Variants in AFG3L2 observed in about 807,000 individuals in gnomAD.
AFG3L2 encodes the protein AFG3 like matrix AAA peptidase subunit 2.
AFG3L2 carries 54 observed loss-of-function variants against 94.5 expected under a neutral mutation model. The ratio of observed to expected loss-of-function variants is 0.57; its 90% confidence interval spans 0.46 to 0.72. AFG3L2 has a LOEUF of 0.72. AFG3L2 is among the 30% of genes least tolerant of loss of function. The probability of loss-of-function intolerance (pLI) is 0.00; values close to 1 mark genes in which losing one functional copy is unlikely to be tolerated. For missense variants in AFG3L2, 754 were observed against 994.9 expected (o/e 0.76, Z 3.26); for synonymous variants, 377 against 365.5 (o/e 1.03, Z -0.36).
intron 9 of AFG3L2, among the ~76,000 whole-genome samples, chr18:12,353,734 C>T (rs1908397128): frequency 1.3e-5 from 2 of 152,156 alleles, no homozygotes; most frequent in South Asian, 4.1e-4. Flanking sequence ...CTGATAATAT[C>T]TGCTATTTTT....
chr18:12,358,480 C>T (rs542900160), intron 8 of AFG3L2, among the ~76,000 whole-genome samples, 190 bp downstream of exon 8: 1 of 152,272 alleles, frequency 6.6e-6, no homozygotes, highest in East Asian at 1.9e-4. Flanking sequence ...GGAATACATA[C>T]ACTATACAAG....
intron 12 of AFG3L2, 25 bp downstream of exon 12, chr18:12,351,060 A>C (rs754078029): frequency 6.2e-7 from 1 of 1,612,104 alleles, no homozygotes; most frequent in Admixed American, 1.7e-5. Flanking sequence ...GCTTCTAAAT[A>C]GGGTCCTCGT....
chr18:12,364,417 T>C (rs1598836513), intron 5 of AFG3L2, among the ~76,000 whole-genome samples: 1 of 152,192 alleles, frequency 6.6e-6, no homozygotes, highest in African/African-American at 2.4e-5. Flanking sequence ...AACACACCTG[T>C]AGATAGACAC....
intron 7 of AFG3L2, among the ~76,000 whole-genome samples, 172 bp from the exon 8 acceptor site, chr18:12,359,115 T>C (rs1431785816): frequency 6.6e-6 from 1 of 152,196 alleles, no homozygotes; most frequent in Non-Finnish European, 1.5e-5. Context: ...AATTCCCAAA[T>C]AAGCTCCATG....
chr18:12,332,995 A>ATAT (rs1241387843), intron 16 of AFG3L2, among the ~76,000 whole-genome samples: 2 of 48,906 alleles, frequency 4.1e-5, no homozygotes, highest in Admixed American at 2.7e-4. Context: ...ATATTATATA[A>ATAT]ATTATATATA....
Position 12,329,121 on chromosome 18 carries a change from T to C in AFG3L2, c.*444A>G, listed in dbSNP as rs773307826. The stretch of plus-strand genomic sequence containing the variant: ...ATTAAGTCAAATTAAAATGTTCTTA[T>C]CAAGACTCCAATTTAATTTCACAGC... On this transcript the variant is annotated 3_prime_UTR_variant, in exon 17 of 17. Transcript: ENST00000269143. 3.8e-5 allele frequency: 27 copies of C among 702,844 alleles called. No individual in the cohort carries two copies. The East Asian group carries it at 6.7e-4, about 17-fold the overall frequency. The allele number at this position is 702,844 out of a possible 1,614,324, so 43.5% of individuals were successfully genotyped here.
chr18:12,348,415 C>A (rs374648223), intron 12 of AFG3L2, 32 bp from the exon 13 acceptor site: 1 of 1,550,246 alleles, frequency 6.5e-7, no homozygotes, highest in East Asian at 2.2e-5. Context: ...GCTTACCCAC[C>A]GAAATACGCC....
intron 6 of AFG3L2, among the ~76,000 whole-genome samples, chr18:12,362,068 G>A (rs918400751): frequency 6.6e-6 from 1 of 152,178 alleles, no homozygotes; most frequent in African/African-American, 2.4e-5. Context: ...GTGGGGATGG[G>A]GTCCCAGGAC....
At position 12,329,501 on chromosome 18, in the gene AFG3L2, C is replaced by T. The variant is rs1907444881; in HGVS notation, c.*64G>A. The T allele has an allele frequency of 1.3e-6, 2 of 1,518,882 alleles. No homozygotes were observed. The highest frequency in any genetic ancestry group is 1.7e-5 in the Admixed American group (1 of 59,876). 94.1% of individuals were successfully genotyped at this position (1,518,882 alleles called of 1,614,324 possible). A position where few individuals can be genotyped will look rare whatever the true frequency, so the allele number is the denominator to read the frequency against. On this transcript the variant is annotated 3_prime_UTR_variant, in exon 17 of 17. Transcript: ENST00000269143. ...AGCATTCCCATTCTTCTGAAAGCCA[C>T]AGCTGAAATAATGCACCAGCTGAAA...
intron 9 of AFG3L2, among the ~76,000 whole-genome samples, chr18:12,353,855 A>T (rs968120412): frequency 1.3e-5 from 2 of 152,222 alleles, no homozygotes; most frequent in Non-Finnish European, 2.9e-5. Context: ...TTCACATTTC[A>T]TGCCTAACAC....
chr18:12,367,598 G>A (rs971208963), intron 3 of AFG3L2, among the ~76,000 whole-genome samples: 3 of 152,212 alleles, frequency 2.0e-5, no homozygotes, highest in Non-Finnish European at 2.9e-5. Flanking sequence ...CATGAAATAT[G>A]CACAATAACC....
chr18:12,351,387 T>C lies in AFG3L2; in HGVS notation c.1345A>G (p.Ile449Val), dbSNP rs1313757842. 1 of 1,613,956 alleles carries C rather than the reference T, an allele frequency of 6.2e-7. No homozygotes were observed. The highest frequency in any genetic ancestry group is 8.5e-7 in the Non-Finnish European group (1 of 1,180,026). The change falls in exon 11 of 17, where the codon ATT becomes GTT. Residue 449 changes from isoleucine (I) to valine (V), a missense_variant. Coordinates refer to ENST00000269143, the MANE Select transcript of AFG3L2 (RefSeq NM_006796.3). ...DGFNTTTNVVILAGTNRPDIL... is the reference protein window; with the variant it reads ...DGFNTTTNVVVLAGTNRPDIL... ...TCTGGTCGATTGGTGCCGGCCAAAATGACGACATTTGTTGTTGTATTAAAA... is the reference window on the plus strand; with the variant it reads ...TCTGGTCGATTGGTGCCGGCCAAAACGACGACATTTGTTGTTGTATTAAAA...
rs1241573189 is a variant in AFG3L2 at position 12,337,344 on chromosome 18, C to T, written c.2172G>A (p.Glu724=). Residue 724 remains glutamate (E), a synonymous_variant, in exon 16 of 17, where the codon GAG becomes GAA. Coordinates refer to ENST00000269143, the MANE Select transcript of AFG3L2 (RefSeq NM_006796.3). ...ALLTEKKADV[E]KVALLLLEKE... ...TATTCCCACAACTGGCACCTACCTTCTCCACGTCAGCTTTCTTTTCTGTGA... is the reference window on the plus strand; with the variant it reads ...TATTCCCACAACTGGCACCTACCTTTTCCACGTCAGCTTTCTTTTCTGTGA... 6.2e-7 allele frequency: 1 copy of T among 1,613,946 alleles called. No homozygotes were observed. The highest frequency in any genetic ancestry group is 1.1e-5 in the South Asian group (1 of 91,086).
At chr18:12,340,476 T>C (rs1907913185) in intron 14 of AFG3L2, 75 bp from the exon 15 acceptor site, 3 of 1,198,518 alleles carry the variant, frequency 2.5e-6, no homozygotes, top group Non-Finnish European at 1.2e-6. Flanking sequence ...TATAAACAGA[T>C]AAACTCATTG....
At chr18:12,358,593 A>G in intron 8 of AFG3L2, 77 bp downstream of exon 8, 1 of 1,508,926 alleles carries the variant, frequency 6.6e-7, no homozygotes, top group Non-Finnish European at 9.0e-7. Context: ...ATCTATAATA[A>G]GTAATCAAAC....
At chr18:12,360,945 A>G (rs1380380304) in intron 6 of AFG3L2, among the ~76,000 whole-genome samples, 1 of 152,232 alleles carries the variant, frequency 6.6e-6, no homozygotes, top group Non-Finnish European at 1.5e-5. Context: ...TTTACTAGCT[A>G]GAAGACCCCA....
In AFG3L2 at chr18:12,354,144, C is replaced by CA. The variant is rs1425642123; in HGVS notation, c.1165-987_1165-986insT. ...CCTGCCCACTCCCACCCCCCCCCCCCCACTTCACTGGACAGAAGTCCAGGT... is the reference window on the plus strand; with the variant it reads ...CCTGCCCACTCCCACCCCCCCCCCCCACACTTCACTGGACAGAAGTCCAGGT... On this transcript the variant is annotated intron_variant, in intron 9 of 16. Coordinates refer to ENST00000269143, the MANE Select transcript of AFG3L2 (RefSeq NM_006796.3). Among the ~76,000 whole-genome samples the CA allele has an allele frequency of 3.9e-3, 514 of 131,222 alleles. 14 individuals carry two copies. Among genetic ancestry groups the CA allele is most frequent in the African/African-American group, 0.015 (484 of 31,706 alleles). 86.1% of individuals were successfully genotyped at this position (131,222 alleles called of 152,430 possible).
At chr18:12,332,930 TA>T (rs1342966430) in intron 16 of AFG3L2, among the ~76,000 whole-genome samples, 2 of 129,540 alleles carry the variant, frequency 1.5e-5, no homozygotes, top group African/African-American at 5.8e-5. Context: ...ATATAACATA[TA>T]CTATATAACA....
At chr18:12,346,342 GACC>G (rs1416721551) in intron 13 of AFG3L2, among the ~76,000 whole-genome samples, 2 of 152,094 alleles carry the variant, frequency 1.3e-5, no homozygotes, top group African/African-American at 4.8e-5. Context: ...CACACCCTGG[GACC>G]ACCACTGCCT....
Sources: gnomAD v4.1 joint callset for allele counts (sites outside exome capture counted in the v4.1 genomes callset) on GRCh38, gnomAD v4.1.1 for gene constraint, MANE v1.5 for transcripts, NCBI Gene and HGNC (gene_info 2026-07-23, HGNC 2026-07-21) for gene names.